Variants in CNTD1 observed in about 807,000 individuals in gnomAD.
CNTD1 encodes cyclin N-terminal domain containing 1.
In CNTD1, 17 loss-of-function variants were observed where a neutral mutation model predicts 36.3. That is an observed-to-expected ratio of 0.47 (90% CI 0.32 to 0.70). The LOEUF (loss-of-function observed/expected upper bound fraction) is 0.70. Among genes scored for constraint, CNTD1 ranks in the 30% least tolerant of loss-of-function variants. The pLI, the probability that CNTD1 is intolerant of heterozygous loss-of-function variation, is 0.03. For missense variants in CNTD1, 338 were observed against 386.1 expected (o/e 0.88, Z 1.04); for synonymous variants, 128 against 153.3 (o/e 0.83, Z 1.22).
chr17:42,807,911 G>C (rs1455527892), intron 6 of CNTD1, 47 bp downstream of exon 6: 2 of 1,411,092 alleles, frequency 1.4e-6, no homozygotes, highest in Admixed American at 1.7e-5. Flanking sequence ...TCATTTAACA[G>C]AAAGCATTTC....
chr17:42,810,909 T>G lies in CNTD1; in HGVS notation c.*1374T>G. ...CCACTGCCTCCTGTGTCTTCAATCT[T>G]GCCTTTCTCCACATCCATCCTGCAG... is the stretch of plus-strand genomic sequence containing the variant. On this transcript the variant is annotated 3_prime_UTR_variant, in exon 7 of 7. Transcript: ENST00000588408. 1 of 1,610,540 alleles carries G rather than the reference T, an allele frequency of 6.2e-7. No individual in the cohort carries two copies. The highest frequency in any genetic ancestry group is 8.5e-7 in the Non-Finnish European group (1 of 1,178,586).
In CNTD1 at chr17:42,809,736, G is replaced by A. The variant is rs1346425297; in HGVS notation, c.*201G>A. 3.8e-6 allele frequency: 2 copies of A among 529,966 alleles called. No homozygotes were observed. Among genetic ancestry groups the A allele is most frequent in the Non-Finnish European group, 6.6e-6 (2 of 301,508 alleles). 32.8% of individuals were successfully genotyped at this position (529,966 alleles called of 1,614,324 possible). A position where few individuals can be genotyped will look rare whatever the true frequency, so the allele number is the denominator to read the frequency against. On this transcript the variant is annotated 3_prime_UTR_variant, in exon 7 of 7. Coordinates refer to ENST00000588408, the MANE Select transcript of CNTD1 (RefSeq NM_173478.3). ...CTTTTTGTCATATCAGCCTGAAAAT[G>A]TTAAAAAGCTAGGTGGAGACAGATT...
chr17:42,799,988 C>T (rs1336917260), intron 1 of CNTD1, among the ~76,000 whole-genome samples: 1 of 148,180 alleles, frequency 6.7e-6, no homozygotes, highest in Non-Finnish European at 1.5e-5. Context: ...GGCATGAACC[C>T]GGGAGGCGGA....
At chr17:42,808,785 C>G (rs1331967152) in intron 6 of CNTD1, among the ~76,000 whole-genome samples, 1 of 150,634 alleles carries the variant, frequency 6.6e-6, no homozygotes, top group African/African-American at 2.4e-5. Flanking sequence ...GGGTTGCTCA[C>G]GCCTGTAACT....
intron 4 of CNTD1, 65 bp from the exon 5 acceptor site, chr17:42,806,609 A>T: frequency 6.5e-7 from 1 of 1,527,902 alleles, no homozygotes; most frequent in South Asian, 1.1e-5. Context: ...TTATGTCACA[A>T]CTGTGGTTAT....
chr17:42,808,610 C>T (rs1000182241), intron 6 of CNTD1, among the ~76,000 whole-genome samples: 5 of 151,020 alleles, frequency 3.3e-5, no homozygotes, highest in African/African-American at 1.2e-4. Context: ...GTCTGCAGTC[C>T]CACAACTATG....
In CNTD1 at chr17:42,806,733, G is replaced by T; in HGVS notation, c.640G>T (p.Asp214Tyr). The T allele has an allele frequency of 4.3e-6, 7 of 1,614,074 alleles. No homozygotes were observed. The highest frequency in any genetic ancestry group is 5.9e-6 in the Non-Finnish European group (7 of 1,179,994). ...GCATGCAACCTGCCTGACACTGCTCGACCTGGTCTATCTTCTGCATGAACC... is the reference window on the plus strand; with the variant it reads ...GCATGCAACCTGCCTGACACTGCTCTACCTGGTCTATCTTCTGCATGAACC... ...RLHATCLTLLDLVYLLHEPIY... is the reference protein window; with the variant it reads ...RLHATCLTLLYLVYLLHEPIY... The change falls in exon 5 of 7, where the codon GAC becomes TAC. Residue 214 changes from aspartate (D) to tyrosine (Y), a missense_variant. Transcript: ENST00000588408.
chr17:42,806,281 A>G (rs1434795955), intron 4 of CNTD1, among the ~76,000 whole-genome samples: 1 of 151,648 alleles, frequency 6.6e-6, no homozygotes, highest in African/African-American at 2.4e-5. Context: ...GAACCTGCCA[A>G]TGAGGAACAG....
At chr17:42,803,554 C>A in intron 1 of CNTD1, 66 bp from the exon 2 acceptor site, 2 of 1,285,190 alleles carry the variant, frequency 1.6e-6, no homozygotes, top group Non-Finnish European at 2.3e-6. Flanking sequence ...TTACACAATG[C>A]CAAGAGTTCA....
intron 1 of CNTD1, among the ~76,000 whole-genome samples, chr17:42,802,523 A>G (rs1387732775): frequency 6.6e-6 from 1 of 152,248 alleles, no homozygotes; most frequent in African/African-American, 2.4e-5. Flanking sequence ...AAAATGACTA[A>G]TAAGAGACAC....
chr17:42,800,009 A>C (rs2054749844), intron 1 of CNTD1, among the ~76,000 whole-genome samples: 1 of 145,102 alleles, frequency 6.9e-6, no homozygotes, highest in Non-Finnish European at 1.5e-5. Context: ...GCTTGCAGTG[A>C]GCTGAGATGG....
At chr17:42,800,277 G>T (rs951671242) in intron 1 of CNTD1, among the ~76,000 whole-genome samples, 1 of 152,038 alleles carries the variant, frequency 6.6e-6, no homozygotes, top group Non-Finnish European at 1.5e-5. Flanking sequence ...TCAGGGGATG[G>T]CCCAGGCATC....
chr17:42,799,280 G>A lies in CNTD1; in HGVS notation c.169+44G>A, dbSNP rs181267966. ...GGTGCTGGGTTCTTGGGAGACTGGG[G>A]CTTGTGTCTTTCAGGCACCGACCTT... On this transcript the variant is annotated intron_variant, in intron 1 of 6. Transcript: ENST00000588408. The A allele has an allele frequency of 4.8e-4, 756 of 1,570,522 alleles. 3 individuals are homozygous for A. Among genetic ancestry groups the A allele is most frequent in the Middle Eastern group, 1.8e-3 (10 of 5,632 alleles).
intron 1 of CNTD1, among the ~76,000 whole-genome samples, chr17:42,799,752 CAAAAAAAAAA>C (rs780393099): frequency 0.021 from 220 of 10,570 alleles, 1 homozygote; most frequent in Non-Finnish European, 0.029. Context: ...AACTCCGTCT[CAAAAAAAAAA>C]AAAAAAAAAA....
chr17:42,798,827 G>C, upstream of CNTD1: 1 of 1,444,856 alleles, frequency 6.9e-7, no homozygotes, highest in African/African-American at 1.4e-5. Context: ...GATGGACGCG[G>C]GAGGTGAGAA....
chr17:42,804,530 G>A (rs1219516714), intron 3 of CNTD1, 134 bp downstream of exon 3: 26 of 782,434 alleles, frequency 3.3e-5, no homozygotes, highest in Non-Finnish European at 4.7e-5. Flanking sequence ...AACAACGGCC[G>A]GGCGCGGTGG....
At position 42,798,978 on chromosome 17, in the gene CNTD1, C is replaced by T. The variant is rs2054723164; in HGVS notation, c.-90C>T. 6.6e-7 allele frequency: 1 copy of T among 1,522,434 alleles called. No homozygotes were observed. Among genetic ancestry groups the T allele is most frequent in the Non-Finnish European group, 8.8e-7 (1 of 1,136,826 alleles). 94.3% of individuals were successfully genotyped at this position (1,522,434 alleles called of 1,614,324 possible). A position where few individuals can be genotyped will look rare whatever the true frequency, so the allele number is the denominator to read the frequency against. On this transcript the variant is annotated 5_prime_UTR_variant, in exon 1 of 7. Coordinates refer to ENST00000588408, the MANE Select transcript of CNTD1 (RefSeq NM_173478.3). ...CACTCATTGGAAGGGGACGAGGAAT[C>T]CAGGGTGTGGCAGAAGACTGGAGAG...
At chr17:42,799,790 G>T (rs2054743725) in intron 1 of CNTD1, among the ~76,000 whole-genome samples, 1 of 146,908 alleles carries the variant, frequency 6.8e-6, no homozygotes, top group African/African-American at 2.6e-5. Flanking sequence ...AAAAGGCTGG[G>T]CGCGGTGGCT....
chr17:42,802,846 T>C (rs1019946520), intron 1 of CNTD1, among the ~76,000 whole-genome samples: 1 of 152,184 alleles, frequency 6.6e-6, no homozygotes, highest in East Asian at 1.9e-4. Flanking sequence ...TCTAATGATA[T>C]TGCAAGATAA....
Sources: allele counts gnomAD v4.1 joint callset (sites outside exome capture counted in the v4.1 genomes callset), GRCh38; gene constraint gnomAD v4.1.1; transcripts MANE v1.5; gene names NCBI Gene and HGNC (gene_info 2026-07-23, HGNC 2026-07-21).